The following SEMA4A variants were observed in gnomAD, a reference collection of about 807,000 sequenced individuals.
SEMA4A encodes the protein semaphorin 4A, also known as semaphorin-4A.
SEMA4A carries 52 observed loss-of-function variants against 72.5 expected under a neutral mutation model. The observed-to-expected ratio is 0.72, with a 90% confidence interval of 0.57 to 0.90. The LOEUF is 0.90. SEMA4A is among the 40% of genes least tolerant of loss of function. The pLI, the probability that SEMA4A is intolerant of heterozygous loss-of-function variation, is 0.00. For missense variants in SEMA4A, 926 were observed against 959.7 expected (o/e 0.96, Z 0.46); for synonymous variants, 369 against 393.1 (o/e 0.94, Z 0.73).
intron 10 of SEMA4A, among the ~76,000 whole-genome samples, chr1:156,171,281 A>G (rs980453264): frequency 1.3e-5 from 2 of 152,222 alleles, no homozygotes; most frequent in Non-Finnish European, 2.9e-5. Context: ...ACTGAAGATC[A>G]AGACACGGGT....
intron 10 of SEMA4A, among the ~76,000 whole-genome samples, chr1:156,172,082 CTGTTTGTT>C (rs35314152): frequency 2.2e-4 from 30 of 137,404 alleles, no homozygotes; most frequent in African/African-American, 5.8e-4. Flanking sequence ...CTGTGCCCGG[CTGTTTGTT>C]TGTTTGTTTA....
At chr1:156,152,412 A>T (rs1652611244), upstream of SEMA4A, among the ~76,000 whole-genome samples, 1 of 152,178 alleles carries the variant, frequency 6.6e-6, no homozygotes, top group African/African-American at 2.4e-5. Flanking sequence ...CAAATGAGCC[A>T]ATCTGTTTAA....
At chr1:156,167,141 G>A (rs1457080489) in intron 10 of SEMA4A, among the ~76,000 whole-genome samples, 1 of 151,680 alleles carries the variant, frequency 6.6e-6, no homozygotes, top group African/African-American at 2.4e-5. Context: ...GCCTTTCAAA[G>A]TGCTGGGATT....
intron 9 of SEMA4A, among the ~76,000 whole-genome samples, chr1:156,161,847 G>A (rs1653692149): frequency 6.6e-6 from 1 of 152,208 alleles, no homozygotes; most frequent in Non-Finnish European, 1.5e-5. Context: ...CAAGGGTAAG[G>A]CCAACACACT....
intron 10 of SEMA4A, among the ~76,000 whole-genome samples, chr1:156,170,906 G>A (rs1654710946): frequency 6.6e-6 from 1 of 151,766 alleles, no homozygotes; most frequent in South Asian, 2.1e-4. Flanking sequence ...GGATGACAGT[G>A]AGACCCTGTT....
At chr1:156,163,267 C>T in intron 10 of SEMA4A, 173 bp downstream of exon 10, 1 of 695,458 alleles carries the variant, frequency 1.4e-6, no homozygotes. Flanking sequence ...GTGCCTAGCA[C>T]CCTTTTATAC....
In SEMA4A at chr1:156,175,617, A is replaced by C; in HGVS notation, c.1654A>C (p.Met552Leu). 1 of 1,612,960 alleles carries C rather than the reference A, an allele frequency of 6.2e-7. No individual in the cohort carries two copies. Residue 552 changes from methionine to leucine, a missense_variant, in exon 14 of 15, where the codon ATG becomes CTG. By Grantham distance (15) the Met-to-Leu change is conservative. Coordinates refer to ENST00000368285, the MANE Select transcript of SEMA4A (RefSeq NM_022367.4). ...AGAGTGGGCATGTGCCAGTGGCCCC[A>C]TGAGCAGGAGCCTTCGGCCTCAGAG... is the stretch of plus-strand genomic sequence containing the variant. ...NPEWACASGP[M>L]SRSLRPQSRP...
intron 6 of SEMA4A, among the ~76,000 whole-genome samples, chr1:156,159,204 C>T (rs147925219): frequency 1.3e-4 from 20 of 151,996 alleles, no homozygotes; most frequent in Middle Eastern, 3.4e-3. Context: ...CGTGGTAGGG[C>T]GCACCTATGG....
intron 9 of SEMA4A, among the ~76,000 whole-genome samples, chr1:156,162,234 C>T (rs1653733808): frequency 6.6e-6 from 1 of 152,226 alleles, no homozygotes; most frequent in Admixed American, 6.5e-5. Flanking sequence ...GCACGCCAGC[C>T]TGGCAACACA....
intron 10 of SEMA4A, among the ~76,000 whole-genome samples, chr1:156,165,907 C>CT (rs71080751): frequency 0.35 from 38,859 of 111,598 alleles, 8,140 homozygotes; most frequent in East Asian, 0.65. Flanking sequence ...TTCCTATCTT[C>CT]TTTTTTTTTT....
At chr1:156,172,096 G>GTTTA (rs71591932) in intron 10 of SEMA4A, among the ~76,000 whole-genome samples, 108 of 71,852 alleles carry the variant, frequency 1.5e-3, no homozygotes, top group South Asian at 2.5e-3. Context: ...TTGTTTGTTT[G>GTTTA]TTTATTTATT....
At chr1:156,172,304 CG>C (rs1654875740) in intron 10 of SEMA4A, among the ~76,000 whole-genome samples, 1 of 151,804 alleles carries the variant, frequency 6.6e-6, no homozygotes, top group South Asian at 2.1e-4. Context: ...TTAGTGGAGA[CG>C]GGGTTTCACC....
chr1:156,169,414 T>G (rs1654488711), intron 10 of SEMA4A, among the ~76,000 whole-genome samples: 1 of 126,634 alleles, frequency 7.9e-6, no homozygotes, highest in Non-Finnish European at 1.7e-5. Context: ...TTTCTTTTTT[T>G]TTTTTTTTTT....
intron 10 of SEMA4A, among the ~76,000 whole-genome samples, chr1:156,165,207 T>C (rs1654046116): frequency 6.6e-6 from 1 of 152,170 alleles, no homozygotes; most frequent in African/African-American, 2.4e-5. Flanking sequence ...CTGGAGAGCC[T>C]TTCTGACTGC....
chr1:156,164,540 A>T (rs1366827173), intron 10 of SEMA4A, among the ~76,000 whole-genome samples: 1 of 152,192 alleles, frequency 6.6e-6, no homozygotes, highest in Non-Finnish European at 1.5e-5. Context: ...ATCAGCAAAC[A>T]ATGCAAATCG....
chr1:156,175,331 G>T, intron 13 of SEMA4A, 88 bp downstream of exon 13: 1 of 1,454,332 alleles, frequency 6.9e-7, no homozygotes, highest in Non-Finnish European at 9.5e-7. Flanking sequence ...CTCTCCAGGG[G>T]CTACTGACAT....
chr1:156,175,742 C>T, intron 14 of SEMA4A, 86 bp downstream of exon 14: 2 of 930,918 alleles, frequency 2.1e-6, no homozygotes. Flanking sequence ...CCAATTTCCT[C>T]CCCCAGCACC....
intron 13 of SEMA4A, 81 bp from the exon 14 acceptor site, chr1:156,175,475 A>G (rs1655229606): frequency 4.1e-6 from 5 of 1,221,024 alleles, no homozygotes; most frequent in African/African-American, 1.5e-5. Context: ...CTTCTTCCCT[A>G]CTGCACTTCC....
At chr1:156,168,963 C>T (rs900109329) in intron 10 of SEMA4A, among the ~76,000 whole-genome samples, 7 of 152,082 alleles carry the variant, frequency 4.6e-5, no homozygotes, top group Non-Finnish European at 1.0e-4. Flanking sequence ...ATTGAATCCC[C>T]CTCTTTCAGG....
Sources: gnomAD v4.1 joint callset for allele counts (sites outside exome capture counted in the v4.1 genomes callset) on GRCh38, gnomAD v4.1.1 for gene constraint, MANE v1.5 for transcripts, NCBI Gene and HGNC (gene_info 2026-07-23, HGNC 2026-07-21) for gene names.